The following IGF1R variants were observed in gnomAD, a reference collection of about 807,000 sequenced individuals.
IGF1R encodes the protein insulin like growth factor 1 receptor.
IGF1R carries 44 observed loss-of-function variants against 144.6 expected under a neutral mutation model. The ratio of observed to expected loss-of-function variants is 0.30; its 90% CI spans 0.24 to 0.39. The LOEUF (loss-of-function observed/expected upper bound fraction) is 0.39, where lower values mean the gene tolerates loss of function less well. Ranked by LOEUF, IGF1R falls within the 10% of genes least tolerant of loss-of-function variation. IGF1R has a pLI of 1.00. For missense variants in IGF1R, 1,355 were observed against 1,833.7 expected (o/e 0.74, Z 4.77); for synonymous variants, 795 against 722.8 (o/e 1.10, Z -1.60).
At chr15:98,748,852 A>G (rs997440369) in intron 2 of IGF1R, among the ~76,000 whole-genome samples, 4 of 152,208 alleles carry the variant, frequency 2.6e-5, no homozygotes, top group African/African-American at 9.7e-5. Context: ...CTTGATTTTC[A>G]GTAGCTACAG....
chr15:98,919,035 G>C (rs1046405255), intron 10 of IGF1R, among the ~76,000 whole-genome samples: 6 of 152,192 alleles, frequency 3.9e-5, no homozygotes, highest in African/African-American at 1.4e-4. Context: ...TTCTTATCCA[G>C]GATATCTTTG....
chr15:98,685,794 AT>A (rs1205421117), intron 1 of IGF1R, among the ~76,000 whole-genome samples: 8 of 152,198 alleles, frequency 5.3e-5, no homozygotes, highest in African/African-American at 1.9e-4. Flanking sequence ...AGGTAGCCTG[AT>A]TGCCCAGCCT....
At chr15:98,874,867 T>C (rs974441663) in intron 2 of IGF1R, among the ~76,000 whole-genome samples, 1 of 152,234 alleles carries the variant, frequency 6.6e-6, no homozygotes, top group African/African-American at 2.4e-5. Flanking sequence ...TGGGGGAAAC[T>C]GAGAAGCCGT....
In IGF1R at chr15:98,922,444, C is replaced by G; in HGVS notation, c.2485+13C>G. The G allele has an allele frequency of 6.2e-7, 1 of 1,605,392 alleles. No homozygotes were observed. The highest frequency in any genetic ancestry group is 1.1e-5 in the South Asian group (1 of 90,950). ...ACTATGCCCGCAGGTATGGTATGAT[C>G]CAGCTGGCCCCATTGCCACCTTCCT... On this transcript the variant is annotated intron_variant, in intron 11 of 20. Transcript: ENST00000650285.
intron 2 of IGF1R, among the ~76,000 whole-genome samples, chr15:98,847,392 G>A (rs1212084798): frequency 1.3e-5 from 2 of 152,184 alleles, no homozygotes; most frequent in African/African-American, 4.8e-5. Flanking sequence ...TAAACTAAGA[G>A]ATGTGGGCAG....
At chr15:98,938,408 G>C (rs2016238484) in intron 17 of IGF1R, among the ~76,000 whole-genome samples, 1 of 152,230 alleles carries the variant, frequency 6.6e-6, no homozygotes, top group Non-Finnish European at 1.5e-5. Flanking sequence ...ATTGTTTTAG[G>C]ATGGAGAGAC....
chr15:98,951,809 A>T (rs968547532), intron 20 of IGF1R, among the ~76,000 whole-genome samples: 29 of 148,544 alleles, frequency 2.0e-4, no homozygotes, highest in African/African-American at 7.1e-4. Context: ...AAGGCCGGCT[A>T]AAAAAATGTT....
At chr15:98,953,430 C>T (rs1190764039) in intron 20 of IGF1R, among the ~76,000 whole-genome samples, 3 of 152,138 alleles carry the variant, frequency 2.0e-5, no homozygotes, top group Non-Finnish European at 4.4e-5. Flanking sequence ...CCGTCCTCAG[C>T]CTTATTTCAG....
chr15:98,888,101 T>C, intron 2 of IGF1R, among the ~76,000 whole-genome samples: 1 of 152,054 alleles, frequency 6.6e-6, no homozygotes, highest in Non-Finnish European at 1.5e-5. Flanking sequence ...CACTTTCAAC[T>C]CCACAAAACC....
intron 5 of IGF1R, among the ~76,000 whole-genome samples, chr15:98,900,014 C>G (rs1442610156): frequency 1.3e-5 from 2 of 152,158 alleles, no homozygotes; most frequent in African/African-American, 2.4e-5. Flanking sequence ...ATGCTGTACT[C>G]TACTACGCAC....
At chr15:98,749,949 T>C (rs556130676) in intron 2 of IGF1R, among the ~76,000 whole-genome samples, 31 of 152,292 alleles carry the variant, frequency 2.0e-4, no homozygotes, top group Admixed American at 5.9e-4. Context: ...GTTCTCCTTA[T>C]TTCTTAGTGA....
At chr15:98,764,978 C>T (rs1022022383) in intron 2 of IGF1R, among the ~76,000 whole-genome samples, 3 of 152,128 alleles carry the variant, frequency 2.0e-5, no homozygotes, top group African/African-American at 4.8e-5. Context: ...TTCCCCTTTC[C>T]GCTCAGCTCC....
At chr15:98,815,873 C>T (rs1486346421) in intron 2 of IGF1R, among the ~76,000 whole-genome samples, 1 of 152,130 alleles carries the variant, frequency 6.6e-6, no homozygotes, top group Non-Finnish European at 1.5e-5. Flanking sequence ...TACCATTGCC[C>T]ACATGCTGCC....
intron 3 of IGF1R, among the ~76,000 whole-genome samples, chr15:98,892,367 G>A (rs532305365): frequency 5.3e-5 from 8 of 151,624 alleles, no homozygotes; most frequent in East Asian, 3.9e-4. Context: ...CCTGGCCAAC[G>A]TGATGAAACC....
At chr15:98,739,773 G>A (rs2054695579) in intron 2 of IGF1R, among the ~76,000 whole-genome samples, 1 of 152,174 alleles carries the variant, frequency 6.6e-6, no homozygotes, top group Non-Finnish European at 1.5e-5. Flanking sequence ...CATATTTTTA[G>A]TAGAGATGGG....
chr15:98,809,163 G>T (rs137972749), intron 2 of IGF1R, among the ~76,000 whole-genome samples: 1 of 152,350 alleles, frequency 6.6e-6, no homozygotes, highest in East Asian at 1.9e-4. Context: ...CACTCCGGGG[G>T]CACCCTGCCG....
chr15:98,904,742 ATTGTT>A (rs1418990973), intron 5 of IGF1R, among the ~76,000 whole-genome samples: 2 of 152,178 alleles, frequency 1.3e-5, no homozygotes, highest in African/African-American at 4.8e-5. Flanking sequence ...TAATTGCAGA[ATTGTT>A]TTCAGTATGT....
chr15:98,837,994 T>C (rs1210923862), intron 2 of IGF1R, among the ~76,000 whole-genome samples: 4 of 152,234 alleles, frequency 2.6e-5, no homozygotes, highest in Admixed American at 2.0e-4. Flanking sequence ...CAAAGCCCAT[T>C]TGAGAATTTA....
chr15:98,676,379 G>A (rs916551228), intron 1 of IGF1R, among the ~76,000 whole-genome samples: 6 of 151,856 alleles, frequency 4.0e-5, no homozygotes, highest in Non-Finnish European at 7.4e-5. Flanking sequence ...CTTGCGATCC[G>A]CCTGCCTCGA....
Sources: allele counts gnomAD v4.1 joint callset (sites outside exome capture counted in the v4.1 genomes callset), GRCh38; gene constraint gnomAD v4.1.1; transcripts MANE v1.5; gene names NCBI Gene and HGNC (gene_info 2026-07-23, HGNC 2026-07-21).